Variants in ZNF516 observed in about 807,000 individuals in gnomAD.
ZNF516 encodes zinc finger protein 516.
ZNF516 carries 19 observed loss-of-function variants against 79.7 expected under a neutral mutation model. The ratio of observed to expected loss-of-function variants is 0.24; its 90% CI spans 0.17 to 0.35. The LOEUF (loss-of-function observed/expected upper bound fraction) is 0.35. Among genes scored for constraint, ZNF516 ranks in the 10% least tolerant of loss-of-function variants. The probability of loss-of-function intolerance (pLI) is 1.00; values close to 1 mark genes in which losing one functional copy is unlikely to be tolerated. For synonymous variants in ZNF516, 877 were observed against 739.5 expected (o/e 1.19, Z -3.02); for missense variants, 1,678 against 1,679.5 (o/e 1.00, Z 0.02).
At chr18:76,486,959 A>G (rs1914868398) in intron 1 of ZNF516, among the ~76,000 whole-genome samples, 1 of 152,228 alleles carries the variant, frequency 6.6e-6, no homozygotes, top group Non-Finnish European at 1.5e-5. Context: ...AGATGTATCT[A>G]AACCTACTAT....
intron 1 of ZNF516, among the ~76,000 whole-genome samples, chr18:76,481,012 G>C (rs1436021342): frequency 6.6e-6 from 1 of 152,168 alleles, no homozygotes; most frequent in Admixed American, 6.5e-5. Flanking sequence ...TAGGGAAAAC[G>C]TTTGCTGACC....
intron 3 of ZNF516, among the ~76,000 whole-genome samples, chr18:76,404,572 G>C (rs376086891): frequency 3.4e-5 from 5 of 146,196 alleles, no homozygotes; most frequent in African/African-American, 1.3e-4. Context: ...GTATGTTTGT[G>C]AGTATGTAAT....
At chr18:76,424,514 A>G (rs1333399185) in intron 3 of ZNF516, among the ~76,000 whole-genome samples, 1 of 135,026 alleles carries the variant, frequency 7.4e-6, no homozygotes, top group Non-Finnish European at 1.6e-5. Flanking sequence ...AGGTTCCCCC[A>G]TGAAACACAT....
intron 2 of ZNF516, among the ~76,000 whole-genome samples, chr18:76,457,921 G>A (rs1437728993): frequency 6.6e-6 from 1 of 152,126 alleles, no homozygotes; most frequent in Non-Finnish European, 1.5e-5. Flanking sequence ...GGACACAAAT[G>A]GAAAATACTC....
At position 76,359,977 on chromosome 18, in the gene ZNF516, C is replaced by G. The variant is rs2074506649; in HGVS notation, c.*2521G>C. On this transcript the variant is annotated 3_prime_UTR_variant, in exon 7 of 7. Transcript: ENST00000443185. ...ACCACACATCCAGGCCTGCCCACAGCTGGCCTCAAGGGATGGCGTTCTTGG... is the reference window on the plus strand; with the variant it reads ...ACCACACATCCAGGCCTGCCCACAGGTGGCCTCAAGGGATGGCGTTCTTGG... 1 of 152,272 alleles carries G rather than the reference C, an allele frequency of 6.6e-6. No individual in the cohort carries two copies. The highest frequency in any genetic ancestry group is 2.1e-4 in the South Asian group (1 of 4,826). 9.4% of individuals were successfully genotyped at this position (152,272 alleles called of 1,614,324 possible).
chr18:76,463,415 A>C (rs1254182332), intron 1 of ZNF516, among the ~76,000 whole-genome samples: 1 of 152,236 alleles, frequency 6.6e-6, no homozygotes, highest in Non-Finnish European at 1.5e-5. Flanking sequence ...GGTAACCAGG[A>C]CGCCGCCTAA....
rs1200416243 is a variant in ZNF516 at position 76,459,601 on chromosome 18, AC to A, written c.-158+3426del. The stretch of plus-strand genomic sequence containing the variant: ...GATGCCAACAGCAACACTTCTCAAC[AC>A]CAAGCCTTTAAATGTCCAGCAGCTC... On this transcript the variant is annotated intron_variant, in intron 2 of 6. Transcript: ENST00000443185. This position sits in a 1 kb window ranked among gnomAD's most constrained non-coding sequence, Gnocchi z 5.0. Among the ~76,000 whole-genome samples the A allele has an allele frequency of 6.6e-6, 1 of 152,092 alleles. No homozygotes were observed. Among genetic ancestry groups the A allele is most frequent in the Admixed American group, 6.5e-5 (1 of 15,284 alleles).
intron 6 of ZNF516, among the ~76,000 whole-genome samples, chr18:76,364,303 GTTATTATT>G (rs1305749125): frequency 2.6e-5 from 4 of 152,162 alleles, no homozygotes; most frequent in African/African-American, 9.7e-5. Context: ...AGGCCACCAT[GTTATTATT>G]CAATAAAGCA....
intron 3 of ZNF516, among the ~76,000 whole-genome samples, chr18:76,421,591 G>A (rs983588999): frequency 3.9e-5 from 6 of 152,208 alleles, no homozygotes; most frequent in African/African-American, 4.8e-5. Flanking sequence ...AAGGGGAAAT[G>A]GGGCATAAGA....
rs920266269 is a variant in ZNF516, at chr18:76,450,110, G to C, written c.-157-6899C>G. 1.0e-4 allele frequency among the ~76,000 whole-genome samples: 14 copies of C among 140,688 alleles called. No homozygotes were observed. The East Asian group carries it at 3.1e-3, about 31-fold the overall frequency. The allele number at this position is 140,688 out of a possible 152,430, so 92.3% of individuals were successfully genotyped here. A position where few individuals can be genotyped will look rare whatever the true frequency, so the allele number is the denominator to read the frequency against. ...GATGTGTAATGAAATATTTAGAGTTGGTTTTTACCAAAGAGAAAGAGAGAG... is the reference window on the plus strand; with the variant it reads ...GATGTGTAATGAAATATTTAGAGTTCGTTTTTACCAAAGAGAAAGAGAGAG... On this transcript the variant is annotated intron_variant, in intron 2 of 6. Coordinates refer to ENST00000443185, the MANE Select transcript of ZNF516 (RefSeq NM_014643.4).
chr18:76,385,610 C>T (rs1450310266), intron 3 of ZNF516: 1 of 152,268 alleles, frequency 6.6e-6, no homozygotes, highest in Non-Finnish European at 1.5e-5. Flanking sequence ...GCACTTCATT[C>T]TCAGTGCACA....
rs549531434 is a variant in ZNF516, at chr18:76,379,580, G to A, written c.2534C>T (p.Pro845Leu). 46 of 1,613,602 alleles carry A rather than the reference G, an allele frequency of 2.9e-5. No individual in the cohort carries two copies. Among genetic ancestry groups the A allele is most frequent in the African/African-American group, 1.6e-4 (12 of 75,058 alleles). Residue 845 changes from proline (P) to leucine (L), a missense_variant, in exon 4 of 7, where the codon CCG (proline) becomes CTG (leucine). Transcript: ENST00000443185. Reference sequence around the variant, plus strand: ...GGGAGAAGAGCCACTTTTGGACCCCGGCATCCCCCCTGGCACCTGAGTGCG... The same window carrying A: ...GGGAGAAGAGCCACTTTTGGACCCCAGCATCCCCCCTGGCACCTGAGTGCG... ...FTRTQVPGGMPGSKSGSSPLG... is the reference protein window; with the variant it reads ...FTRTQVPGGMLGSKSGSSPLG...
rs963603991 is a variant in ZNF516 at position 76,359,244 on chromosome 18, G to A, written c.*3254C>T. The stretch of plus-strand genomic sequence containing the variant: ...TAAAAAATAAATAAGTAAATATTGG[G>A]GGACCTCTTAAAACACTTAATACTT... On this transcript the variant is annotated 3_prime_UTR_variant, in exon 7 of 7. Coordinates refer to ENST00000443185, the MANE Select transcript of ZNF516 (RefSeq NM_014643.4). 7.9e-5 allele frequency: 12 copies of A among 152,106 alleles called. No individual in the cohort carries two copies. Among genetic ancestry groups the A allele is most frequent in the Admixed American group, 3.9e-4 (6 of 15,274 alleles). 9.4% of individuals were successfully genotyped at this position (152,106 alleles called of 1,614,324 possible).
chr18:76,488,263 T>A, intron 1 of ZNF516: 2 of 984,390 alleles, frequency 2.0e-6, no homozygotes, highest in Non-Finnish European at 2.4e-6. Context: ...AATACAGTAA[T>A]AAAATTAGTT....
chr18:76,374,783 AG>A (rs1296355515), intron 4 of ZNF516, among the ~76,000 whole-genome samples: 2 of 152,230 alleles, frequency 1.3e-5, no homozygotes, highest in Non-Finnish European at 2.9e-5. Context: ...GACCACTCAC[AG>A]GGAAGTTGTG....
At chr18:76,405,059 C>A (rs753953956) in intron 3 of ZNF516, among the ~76,000 whole-genome samples, 1 of 152,168 alleles carries the variant, frequency 6.6e-6, no homozygotes, top group Non-Finnish European at 1.5e-5. Context: ...GGGCCCATTG[C>A]AGGCACAAGC....
chr18:76,375,950 G>A (rs973509959), intron 4 of ZNF516, among the ~76,000 whole-genome samples: 1 of 151,986 alleles, frequency 6.6e-6, no homozygotes, highest in Non-Finnish European at 1.5e-5. Context: ...GGATGGGAAG[G>A]CCCCGAAGAC....
chr18:76,383,166 C>T (rs777461624), intron 3 of ZNF516, among the ~76,000 whole-genome samples: 1 of 151,908 alleles, frequency 6.6e-6, no homozygotes, highest in Non-Finnish European at 1.5e-5. Flanking sequence ...CCCAGGAGGG[C>T]GGGAGAGAAG....
At chr18:76,388,710 C>T (rs1239800110) in intron 3 of ZNF516, 1 of 152,106 alleles carries the variant, frequency 6.6e-6, no homozygotes, top group Non-Finnish European at 1.5e-5. Context: ...GATGAAATCC[C>T]GTAAGGAAAA....
Sources: gnomAD v4.1 joint callset for allele counts (sites outside exome capture counted in the v4.1 genomes callset) on GRCh38, gnomAD v4.1.1 for gene constraint, Gnocchi (gnomAD v3.1) non-coding constraint, MANE v1.5 for transcripts, NCBI Gene and HGNC (gene_info 2026-07-23, HGNC 2026-07-21) for gene names.